Variants in KIAA1328 observed in about 807,000 individuals in gnomAD.
KIAA1328 encodes KIAA1328.
KIAA1328 carries 52 observed loss-of-function variants against 68.1 expected under a neutral mutation model. That is an observed-to-expected ratio of 0.76 (90% CI 0.61 to 0.96). The LOEUF (loss-of-function observed/expected upper bound fraction) is 0.96, where lower values mean the gene tolerates loss of function less well. Ranked by LOEUF, KIAA1328 falls within the 40% of genes least tolerant of loss-of-function variation. The pLI is 0.00. For missense variants in KIAA1328, 641 were observed against 677.6 expected (o/e 0.95, Z 0.60); for synonymous variants, 232 against 239.4 (o/e 0.97, Z 0.28).
At chr18:36,991,404 T>C (rs1189695535) in intron 6 of KIAA1328, among the ~76,000 whole-genome samples, 2 of 152,194 alleles carry the variant, frequency 1.3e-5, no homozygotes, top group African/African-American at 2.4e-5. Context: ...ATAATAAATA[T>C]TATGAATTCT....
chr18:37,055,986 A>G (rs1025015477), intron 6 of KIAA1328, among the ~76,000 whole-genome samples: 1 of 152,236 alleles, frequency 6.6e-6, no homozygotes, highest in Non-Finnish European at 1.5e-5. Flanking sequence ...TCTAAAGTTA[A>G]TAACAACCTG....
chr18:37,041,143 G>A (rs1220035277), intron 6 of KIAA1328, among the ~76,000 whole-genome samples: 3 of 151,772 alleles, frequency 2.0e-5, no homozygotes, highest in Non-Finnish European at 4.4e-5. Flanking sequence ...TATTGAAAAT[G>A]GTATATTGAA....
chr18:37,039,152 G>T (rs931290461), intron 6 of KIAA1328, among the ~76,000 whole-genome samples: 1 of 151,860 alleles, frequency 6.6e-6, no homozygotes, highest in South Asian at 2.1e-4. Flanking sequence ...TACATTCCTA[G>T]GAATATATTG....
chr18:37,119,793 A>G (rs1340579878), intron 7 of KIAA1328, among the ~76,000 whole-genome samples: 1 of 152,166 alleles, frequency 6.6e-6, no homozygotes, highest in Non-Finnish European at 1.5e-5. Flanking sequence ...GTTAATATAC[A>G]TGGTATGTAT....
At chr18:37,185,404 A>C (rs1251484499) in intron 9 of KIAA1328, among the ~76,000 whole-genome samples, 1 of 152,166 alleles carries the variant, frequency 6.6e-6, no homozygotes, top group Non-Finnish European at 1.5e-5. Flanking sequence ...GGAGGACACC[A>C]ACCAAAAGAC....
chr18:37,086,617 A>T (rs1215942968), intron 7 of KIAA1328, among the ~76,000 whole-genome samples: 1 of 152,212 alleles, frequency 6.6e-6, no homozygotes. Context: ...CAGAGGCAGT[A>T]ATCTTTTTGT....
chr18:37,040,876 T>C (rs1477994643), intron 6 of KIAA1328, among the ~76,000 whole-genome samples: 1 of 151,906 alleles, frequency 6.6e-6, no homozygotes, highest in East Asian at 1.9e-4. Flanking sequence ...GTTGTTGATT[T>C]CTGATTTAAA....
chr18:37,193,912 C>T (rs1245506489), intron 9 of KIAA1328, among the ~76,000 whole-genome samples: 1 of 152,154 alleles, frequency 6.6e-6, no homozygotes, highest in African/African-American at 2.4e-5. Flanking sequence ...GATAATTATG[C>T]ATATACAGTC....
At chr18:37,069,483 CCT>C (rs1430004338) in intron 7 of KIAA1328, among the ~76,000 whole-genome samples, 99 of 151,920 alleles carry the variant, frequency 6.5e-4, no homozygotes, top group African/African-American at 2.3e-3. Context: ...TCTTTTTTCC[CCT>C]GTGTCCTTGT....
intron 9 of KIAA1328, among the ~76,000 whole-genome samples, chr18:37,195,064 G>C (rs527742704): frequency 6.6e-6 from 1 of 152,282 alleles, no homozygotes; most frequent in Admixed American, 6.5e-5. Context: ...GCGTCACTGG[G>C]ATATCCATTA....
intron 6 of KIAA1328, among the ~76,000 whole-genome samples, chr18:36,961,801 A>G (rs938400638): frequency 6.6e-6 from 1 of 152,224 alleles, no homozygotes; most frequent in Non-Finnish European, 1.5e-5. Flanking sequence ...GCCTTACAAG[A>G]GCTCCTGAAG....
intron 6 of KIAA1328, among the ~76,000 whole-genome samples, chr18:36,959,717 C>G (rs902171239): frequency 2.0e-5 from 3 of 152,122 alleles, no homozygotes; most frequent in Admixed American, 2.0e-4. Flanking sequence ...AAACACTGCT[C>G]TGTTACTTAA....
At position 37,123,932 on chromosome 18, in the gene KIAA1328, T is replaced by G. The variant is rs2058331431; in HGVS notation, c.1233-36268T>G. 2.6e-5 allele frequency among the ~76,000 whole-genome samples: 4 copies of G among 152,192 alleles called. No homozygotes were observed. In the South Asian group the frequency reaches 8.3e-4, roughly 32 times the overall value. ...GTTAATAAGCTTGCTAATCCTTTAT[T>G]AGTAACCTTGAAGATTTGTGGAAAA... On this transcript the variant is annotated intron_variant, in intron 7 of 9. Transcript: ENST00000280020.
chr18:37,096,519 A>C (rs1281046484), intron 7 of KIAA1328, among the ~76,000 whole-genome samples: 10 of 152,226 alleles, frequency 6.6e-5, no homozygotes, highest in Admixed American at 2.6e-4. Context: ...GCTATTGTGA[A>C]TACTGCCACA....
chr18:37,207,023 C>G (rs968787826), intron 9 of KIAA1328, among the ~76,000 whole-genome samples: 1 of 151,998 alleles, frequency 6.6e-6, no homozygotes, highest in African/African-American at 2.4e-5. Flanking sequence ...CAAATCAGAA[C>G]AGGGGAGTTC....
At chr18:37,203,243 C>T (rs1159645406) in intron 9 of KIAA1328, among the ~76,000 whole-genome samples, 2 of 152,022 alleles carry the variant, frequency 1.3e-5, no homozygotes, top group Non-Finnish European at 2.9e-5. Context: ...TCAGCTCTGA[C>T]CACACAAGAT....
At chr18:36,908,317 A>G (rs2049297215) in intron 5 of KIAA1328, among the ~76,000 whole-genome samples, 1 of 152,138 alleles carries the variant, frequency 6.6e-6, no homozygotes, top group Admixed American at 6.6e-5. Context: ...CAACTTACAG[A>G]CAATTCAGCT....
intron 6 of KIAA1328, among the ~76,000 whole-genome samples, chr18:37,059,585 C>T (rs1245465920): frequency 2.0e-5 from 3 of 152,138 alleles, no homozygotes; most frequent in Non-Finnish European, 4.4e-5. Context: ...TTTTACACTG[C>T]TGGTGGAAGT....
intron 7 of KIAA1328, among the ~76,000 whole-genome samples, chr18:37,099,446 G>T (rs567008187): frequency 6.6e-6 from 1 of 152,152 alleles, no homozygotes; most frequent in Non-Finnish European, 1.5e-5. Context: ...GAGACAGTTT[G>T]TTTTAATTTC....
Sources: allele counts gnomAD v4.1 joint callset (sites outside exome capture counted in the v4.1 genomes callset), GRCh38; gene constraint gnomAD v4.1.1; transcripts MANE v1.5; gene names NCBI Gene and HGNC (gene_info 2026-07-23, HGNC 2026-07-21).